Variants in CNOT7 observed in about 807,000 individuals in gnomAD.
CNOT7 encodes the protein BTG1-binding factor 1.
In CNOT7, 4 loss-of-function variants were observed where a neutral mutation model predicts 37.1. That is an observed-to-expected ratio of 0.11 (90% CI 0.05 to 0.25). The LOEUF is 0.25. Among genes scored for constraint, CNOT7 ranks in the 10% least tolerant of loss-of-function variants. CNOT7 has a pLI of 1.00. For missense variants in CNOT7, 170 were observed against 336.2 expected, an observed-to-expected ratio of 0.51 and a Z score of 3.87; for synonymous variants, 128 against 115.6, an observed-to-expected ratio of 1.11 and a Z score of -0.69.
In CNOT7 at chr8:17,229,717, C is replaced by T. The variant is rs1311862126; in HGVS notation, c.*1003G>A. The T allele has an allele frequency of 2.6e-5, 4 of 151,514 alleles. No individual in the cohort carries two copies. The highest frequency in any genetic ancestry group is 4.4e-5 in the Non-Finnish European group (3 of 67,710). 9.4% of individuals were successfully genotyped at this position (151,514 alleles called of 1,614,324 possible). The stretch of plus-strand genomic sequence containing the variant: ...TACCTTTGTAGCAACTATGAAAGCA[C>T]AATTTTTGTCTTCTAATTTAATTTG... On this transcript the variant is annotated 3_prime_UTR_variant, in exon 7 of 7. Transcript: ENST00000361272.
chr8:17,243,275 T>C, intron 2 of CNOT7, 90 bp from the exon 3 acceptor site: 1 of 959,792 alleles, frequency 1.0e-6, no homozygotes, highest in Admixed American at 2.4e-5. Flanking sequence ...CAAAGAATCC[T>C]ACAGATGATA....
rs1336020077 is a variant in CNOT7 at position 17,234,869 on chromosome 8, G to A, written c.474-9C>T. On this transcript the variant is annotated splice_polypyrimidine_tract_variant and intron_variant, in intron 4 of 6. Coordinates refer to ENST00000361272, the MANE Select transcript of CNOT7 (RefSeq NM_013354.7). ...AGCCAAAGTCGTAACCGCTATAAAA[G>A]GGTTAAAAGAATAGAGAAGAGGGAC... 6.2e-7 allele frequency: 1 copy of A among 1,612,088 alleles called. No homozygotes were observed. Among genetic ancestry groups the A allele is most frequent in the East Asian group, 2.2e-5 (1 of 44,832 alleles).
rs530241929 is a variant in CNOT7 at position 17,226,012 on chromosome 8, TAG to T, written c.*4706_*4707del. 3.8e-4 allele frequency: 51 copies of T among 133,840 alleles called. 1 individual carries two copies. Among genetic ancestry groups the T allele is most frequent in the African/African-American group, 1.4e-3 (50 of 36,284 alleles). The allele number at this position is 133,840 out of a possible 1,614,324, so 8.3% of individuals were successfully genotyped here. ...ACATAGACCCTTGAGTTTCTTCTAG[TAG>T]AGAGGTGGACAAGCCTTTTTTTTTT... On this transcript the variant is annotated 3_prime_UTR_variant, in exon 7 of 7. Transcript: ENST00000361272.
rs775561695 is a variant in CNOT7, at chr8:17,228,831, T to G, written c.*1889A>C. 6.6e-6 allele frequency: 1 copy of G among 152,006 alleles called. No individual in the cohort carries two copies. The highest frequency in any genetic ancestry group is 1.5e-5 in the Non-Finnish European group (1 of 67,884). 9.4% of individuals were successfully genotyped at this position (152,006 alleles called of 1,614,324 possible). A position where few individuals can be genotyped will look rare whatever the true frequency, so the allele number is the denominator to read the frequency against. ...TTGAACAGAATTTAAATATTAGTTTTCTCAGCTAACAAATCACAAGCGAAA... is the reference window on the plus strand; with the variant it reads ...TTGAACAGAATTTAAATATTAGTTTGCTCAGCTAACAAATCACAAGCGAAA... On this transcript the variant is annotated 3_prime_UTR_variant, in exon 7 of 7. Coordinates refer to ENST00000361272, the MANE Select transcript of CNOT7 (RefSeq NM_013354.7).
At chr8:17,237,469 GAC>G in intron 3 of CNOT7, 96 bp from the exon 4 acceptor site, 3 of 1,172,508 alleles carry the variant, frequency 2.6e-6, no homozygotes, top group Non-Finnish European at 3.7e-6. Flanking sequence ...CCAGAAAAGA[GAC>G]AGAGGAATGG....
chr8:17,228,039 G>A lies in CNOT7; in HGVS notation c.*2681C>T, dbSNP rs1248548197. On this transcript the variant is annotated 3_prime_UTR_variant, in exon 7 of 7. Transcript: ENST00000361272. Reference sequence around the variant, plus strand: ...GCAAAAAAGTATCCATAGATAATATGTAAATTAGTGTGGCTGCATTCCAAT... The same window carrying A: ...GCAAAAAAGTATCCATAGATAATATATAAATTAGTGTGGCTGCATTCCAAT... The A allele has an allele frequency of 6.6e-6, 1 of 151,912 alleles. No individual in the cohort carries two copies. Among genetic ancestry groups the A allele is most frequent in the African/African-American group, 2.4e-5 (1 of 41,416 alleles). The allele number at this position is 151,912 out of a possible 1,614,324, so 9.4% of individuals were successfully genotyped here.
At chr8:17,232,222 G>T in intron 6 of CNOT7, 1 of 1,402,496 alleles carries the variant, frequency 7.1e-7, no homozygotes. Flanking sequence ...GTTCTATGAT[G>T]AACATGTTCT....
chr8:17,229,564 TAA>T lies in CNOT7; in HGVS notation c.*1154_*1155del, dbSNP rs1215799489. ...TCACAGTCTCTTTTGTCAATATATATAAAATAGATTGCAAAGATATACACAAA... is the reference window on the plus strand; with the variant it reads ...TCACAGTCTCTTTTGTCAATATATATAATAGATTGCAAAGATATACACAAA... On this transcript the variant is annotated 3_prime_UTR_variant, in exon 7 of 7. Transcript: ENST00000361272. 2.0e-5 allele frequency: 3 copies of T among 151,936 alleles called. No homozygotes were observed. The highest frequency in any genetic ancestry group is 7.3e-5 in the African/African-American group (3 of 41,308). The allele number at this position is 151,936 out of a possible 1,614,324, so 9.4% of individuals were successfully genotyped here.
chr8:17,234,854 G>A lies in CNOT7; in HGVS notation c.480C>T (p.Tyr160=), dbSNP rs1474899559. 12 of 1,613,330 alleles carry A rather than the reference G, an allele frequency of 7.4e-6. No individual in the cohort carries two copies. Among genetic ancestry groups the A allele is most frequent in the East Asian group, 2.2e-5 (1 of 44,858 alleles). ...GGATTTTGATTAAGTAGCCAAAGTCGTAACCGCTATAAAAGGGTTAAAAGA... is the reference window on the plus strand; with the variant it reads ...GGATTTTGATTAAGTAGCCAAAGTCATAACCGCTATAAAAGGGTTAAAAGA... ...GVKWLSFHSG[Y]DFGYLIKILT... The change falls in exon 5 of 7, where the codon TAC becomes TAT. Residue 160 remains tyrosine, a synonymous_variant. Transcript: ENST00000361272.
In CNOT7 at chr8:17,227,744, G is replaced by C. The variant is rs1179896836; in HGVS notation, c.*2976C>G. ...TTCTTTTACCAGTTATGGTGACACT[G>C]CATTATAAACACAATGTACCAGCAT... On this transcript the variant is annotated 3_prime_UTR_variant, in exon 7 of 7. Transcript: ENST00000361272. The C allele has an allele frequency of 6.6e-6, 1 of 151,838 alleles. No homozygotes were observed. The highest frequency in any genetic ancestry group is 2.4e-5 in the African/African-American group (1 of 41,418). 9.4% of individuals were successfully genotyped at this position (151,838 alleles called of 1,614,324 possible).
chr8:17,225,381 G>A lies in CNOT7; in HGVS notation c.*5339C>T, dbSNP rs1043424631. 2 of 151,714 alleles carry A rather than the reference G, an allele frequency of 1.3e-5. No individual in the cohort carries two copies. Among genetic ancestry groups the A allele is most frequent in the African/African-American group, 2.4e-5 (1 of 41,388 alleles). 9.4% of individuals were successfully genotyped at this position (151,714 alleles called of 1,614,324 possible). ...ATATACAAAAAATTCCTCCATACCA[G>A]GAAGGAGAGTATTGACCAGTTTATC... On this transcript the variant is annotated 3_prime_UTR_variant, in exon 7 of 7. Transcript: ENST00000361272.
intron 3 of CNOT7, among the ~76,000 whole-genome samples, chr8:17,238,509 CT>C (rs75080604): frequency 0.19 from 26,479 of 139,290 alleles, 2,411 homozygotes; most frequent in South Asian, 0.26. Context: ...GAAGTAGTTT[CT>C]TTTTTTTTTT....
At chr8:17,235,033 A>T (rs144557767) in intron 4 of CNOT7, among the ~76,000 whole-genome samples, 173 bp from the exon 5 acceptor site, 2 of 152,178 alleles carry the variant, frequency 1.3e-5, no homozygotes, top group African/African-American at 4.8e-5. Flanking sequence ...CTATGAGAAA[A>T]TGTCGTCATC....
chr8:17,235,838 A>T (rs1386829305), intron 4 of CNOT7, among the ~76,000 whole-genome samples: 2 of 152,240 alleles, frequency 1.3e-5, no homozygotes, highest in Non-Finnish European at 2.9e-5. Context: ...ATATTCAAAT[A>T]TATCAGTCTA....
chr8:17,231,361 TTAAA>T (rs1433093127), intron 6 of CNOT7, among the ~76,000 whole-genome samples: 2 of 152,226 alleles, frequency 1.3e-5, no homozygotes, highest in Admixed American at 1.3e-4. Context: ...CCACCTTTAG[TTAAA>T]TAAACCATTA....
intron 4 of CNOT7, among the ~76,000 whole-genome samples, 177 bp from the exon 5 acceptor site, chr8:17,235,037 C>T (rs973379799): frequency 2.6e-5 from 4 of 152,042 alleles, no homozygotes; most frequent in South Asian, 2.1e-4. Flanking sequence ...GAGAAAATGT[C>T]GTCATCTTAC....
chr8:17,230,583 C>T lies in CNOT7; in HGVS notation c.*137G>A. The T allele has an allele frequency of 1.7e-6, 1 of 573,178 alleles. No individual in the cohort carries two copies. The highest frequency in any genetic ancestry group is 3.4e-5 in the Admixed American group (1 of 29,206). The allele number at this position is 573,178 out of a possible 1,614,324, so 35.5% of individuals were successfully genotyped here. ...GAGATAGGAACGGTCATACTTAGTA[C>T]TGAAAGGCAGACAATAAAATGGGCC... On this transcript the variant is annotated 3_prime_UTR_variant, in exon 7 of 7. Transcript: ENST00000361272.
intron 4 of CNOT7, among the ~76,000 whole-genome samples, chr8:17,235,204 T>G (rs779219363): frequency 6.6e-6 from 1 of 152,146 alleles, no homozygotes; most frequent in African/African-American, 2.4e-5. Context: ...AAAATATTTT[T>G]TAAAGTAACT....
In CNOT7 at chr8:17,245,226, A is replaced by G; in HGVS notation, c.-74T>C. The stretch of plus-strand genomic sequence containing the variant: ...TGATTGAAGATTTGTTTCATAAAAT[A>G]TTTTATCCTTTATTTATGTACCTGT... On this transcript the variant is annotated 5_prime_UTR_variant, in exon 2 of 7. Coordinates refer to ENST00000361272, the MANE Select transcript of CNOT7 (RefSeq NM_013354.7). 1 of 1,455,982 alleles carries G rather than the reference A, an allele frequency of 6.9e-7. No individual in the cohort carries two copies. The highest frequency in any genetic ancestry group is 9.2e-7 in the Non-Finnish European group (1 of 1,091,484). 90.2% of individuals were successfully genotyped at this position (1,455,982 alleles called of 1,614,324 possible). A position where few individuals can be genotyped will look rare whatever the true frequency, so the allele number is the denominator to read the frequency against.
Sources: gnomAD v4.1 joint callset for allele counts (sites outside exome capture counted in the v4.1 genomes callset) on GRCh38, gnomAD v4.1.1 for gene constraint, MANE v1.5 for transcripts, NCBI Gene and HGNC (gene_info 2026-07-23, HGNC 2026-07-21) for gene names.